PAXIP1: variants seen among roughly 807,000 people sequenced by gnomAD.
PAXIP1 encodes PAX interacting protein 1, also known as PAX-interacting protein 1.
Under a neutral mutation model 140.6 loss-of-function variants are expected in PAXIP1, and 19 were observed. The observed-to-expected ratio is 0.14, with a 90% CI of 0.09 to 0.20. The LOEUF (loss-of-function observed/expected upper bound fraction) is 0.20. Ranked by LOEUF, PAXIP1 falls within the 10% of genes least tolerant of loss-of-function variation. The pLI is 1.00. For missense variants in PAXIP1, 920 were observed against 1,208.6 expected, an observed-to-expected ratio of 0.76 and a Z score of 3.54; for synonymous variants, 442 against 444.6, an observed-to-expected ratio of 0.99 and a Z score of 0.07.
At position 154,958,132 on chromosome 7, in the gene PAXIP1, C is replaced by G. The variant is rs949175069; in HGVS notation, c.2479-838G>C. 2.0e-5 allele frequency among the ~76,000 whole-genome samples: 3 copies of G among 152,128 alleles called. No individual in the cohort carries two copies. In the East Asian group the frequency reaches 5.8e-4, roughly 29 times the overall value. ...TGCTACCAACAGCCAGACAAGGTAC[C>G]AAAACCTACACTCTGCCTCAGCAAC... On this transcript the variant is annotated intron_variant, in intron 13 of 20. Transcript: ENST00000404141.
At chr7:154,985,933 G>A in intron 4 of PAXIP1, 2 of 1,088,424 alleles carry the variant, frequency 1.8e-6, no homozygotes, top group Non-Finnish European at 2.5e-6. Context: ...ATACAGAATG[G>A]AAAGGACTTT....
chr7:154,998,119 A>G (rs1434289148), intron 2 of PAXIP1, among the ~76,000 whole-genome samples: 1 of 152,236 alleles, frequency 6.6e-6, no homozygotes, highest in African/African-American at 2.4e-5. Context: ...TACAGAAGCC[A>G]TGCTCTACCT....
chr7:154,965,788 A>C (rs1808984202), intron 8 of PAXIP1: 2 of 152,272 alleles, frequency 1.3e-5, no homozygotes, highest in African/African-American at 4.8e-5. Flanking sequence ...ACACCAGGCT[A>C]TTAGTAATTT....
In PAXIP1 at chr7:154,998,816, A is replaced by T. The variant is rs1176506144; in HGVS notation, c.82-32T>A. 13 of 1,588,536 alleles carry T rather than the reference A, an allele frequency of 8.2e-6. No individual in the cohort carries two copies. The East Asian group carries it at 2.9e-4, about 36-fold the overall frequency. On this transcript the variant is annotated intron_variant, in intron 1 of 20. Coordinates refer to ENST00000404141, the MANE Select transcript of PAXIP1 (RefSeq NM_007349.4). ...AACAAGAAAATCCACACAAATTAAA[A>T]TGGGCAATACTGTACTGTACTCTTG...
At chr7:154,975,333 C>T (rs1039440824) in intron 6 of PAXIP1, among the ~76,000 whole-genome samples, 1 of 152,128 alleles carries the variant, frequency 6.6e-6, no homozygotes. Flanking sequence ...ATAAGCAAAT[C>T]AGGTACAGCT....
Position 154,946,971 on chromosome 7 carries a change from G to T in PAXIP1, c.2923-158C>A. The T allele has an allele frequency of 1.8e-6, 1 of 545,150 alleles. No individual in the cohort carries two copies. Among genetic ancestry groups the T allele is most frequent in the Non-Finnish European group, 3.2e-6 (1 of 311,678 alleles). The allele number at this position is 545,150 out of a possible 1,614,324, so 33.8% of individuals were successfully genotyped here. A position where few individuals can be genotyped will look rare whatever the true frequency, so the allele number is the denominator to read the frequency against. On this transcript the variant is annotated intron_variant, in intron 17 of 20. Transcript: ENST00000404141. This position sits in a 1 kb window ranked among gnomAD's most constrained non-coding sequence, Gnocchi z 4.9. ...TCCTACTAGCACTCAATCTGAAGTG[G>T]AAGAGGAATCCAGCTATGTAAATTT...
chr7:154,963,004 G>T lies in PAXIP1; in HGVS notation c.1990-546C>A, dbSNP rs1206258080. ...AGAAATGAAACTTCAGAGAGCACAG[G>T]AAGGTAATATTGAGGAGAAAGCCTG... On this transcript the variant is annotated intron_variant, in intron 9 of 20. Transcript: ENST00000404141. This position sits in a 1 kb window ranked among gnomAD's most constrained non-coding sequence, Gnocchi z 4.1. Among the ~76,000 whole-genome samples the T allele has an allele frequency of 6.6e-6, 1 of 152,144 alleles. No homozygotes were observed. The highest frequency in any genetic ancestry group is 1.5e-5 in the Non-Finnish European group (1 of 68,032).
chr7:154,997,322 A>T (rs1342343000), intron 2 of PAXIP1, among the ~76,000 whole-genome samples: 2 of 152,174 alleles, frequency 1.3e-5, no homozygotes, highest in African/African-American at 4.8e-5. Context: ...GTGTGATCAC[A>T]GTGCATGGCA....
At position 154,973,779 on chromosome 7, in the gene PAXIP1, C is replaced by T. The variant is rs1204367036; in HGVS notation, c.1074+1917G>A. Among the ~76,000 whole-genome samples, 1 of 152,244 alleles carries T rather than the reference C, an allele frequency of 6.6e-6. No individual in the cohort carries two copies. The highest frequency in any genetic ancestry group is 1.5e-5 in the Non-Finnish European group (1 of 68,046). On this transcript the variant is annotated intron_variant, in intron 6 of 20. Transcript: ENST00000404141. The surrounding 1 kb of genome is among the most constrained non-coding windows in gnomAD (Gnocchi z 4.0). ...ATACTGAATTTCCCCACTTCATCAACATCAAGCCTTTCCACTGAAAGTGGA... is the reference window on the plus strand; with the variant it reads ...ATACTGAATTTCCCCACTTCATCAATATCAAGCCTTTCCACTGAAAGTGGA...
chr7:154,948,463 C>T (rs1293415295), intron 16 of PAXIP1: 2 of 158,430 alleles, frequency 1.3e-5, no homozygotes, highest in Non-Finnish European at 2.8e-5. Context: ...GGGAGGATCG[C>T]TTGAGTCTGG....
chr7:154,994,554 G>A (rs1810486010), intron 2 of PAXIP1, among the ~76,000 whole-genome samples: 1 of 152,168 alleles, frequency 6.6e-6, no homozygotes, highest in South Asian at 2.1e-4. Context: ...CGCTGGGGAT[G>A]TAACAATGAA....
intron 6 of PAXIP1, among the ~76,000 whole-genome samples, chr7:154,970,218 C>A (rs139097919): frequency 1.3e-5 from 2 of 152,208 alleles, no homozygotes; most frequent in African/African-American, 4.8e-5. Flanking sequence ...TCAATCCATA[C>A]AACTTTTAAC....
At chr7:154,944,336 C>A in intron 20 of PAXIP1, 172 bp from the exon 21 acceptor site, 1 of 545,102 alleles carries the variant, frequency 1.8e-6, no homozygotes, top group Admixed American at 3.2e-5. Flanking sequence ...ACAGGAGGCC[C>A]TCAGCCCCGA....
chr7:155,000,486 G>A (rs1161068674), intron 1 of PAXIP1: 3 of 152,140 alleles, frequency 2.0e-5, no homozygotes, highest in South Asian at 2.1e-4. Flanking sequence ...ATCCTTCCAC[G>A]CGCTTGTGAT....
At position 154,986,121 on chromosome 7, in the gene PAXIP1, C is replaced by A; in HGVS notation, c.325-2789G>T. The A allele has an allele frequency of 2.2e-6, 3 of 1,363,460 alleles. No individual in the cohort carries two copies. Among genetic ancestry groups the A allele is most frequent in the Non-Finnish European group, 2.9e-6 (3 of 1,020,668 alleles). The allele number at this position is 1,363,460 out of a possible 1,614,324, so 84.5% of individuals were successfully genotyped here. ...TCTGCTGGACAAGCTCCCTTCCCTA[C>A]CTCTCCCTGGGAGAGCTCTGGAAGA... On this transcript the variant is annotated intron_variant, in intron 4 of 20. Coordinates refer to ENST00000404141, the MANE Select transcript of PAXIP1 (RefSeq NM_007349.4). This position sits in a 1 kb window ranked among gnomAD's most constrained non-coding sequence, Gnocchi z 4.8.
chr7:154,990,826 A>C (rs1451039803), intron 4 of PAXIP1, among the ~76,000 whole-genome samples, 180 bp downstream of exon 4: 1 of 152,190 alleles, frequency 6.6e-6, no homozygotes, highest in East Asian at 1.9e-4. Flanking sequence ...TAAAAACTTT[A>C]AATCTTAAAA....
intron 1 of PAXIP1, chr7:155,000,332 T>C (rs1239904795): frequency 1.3e-5 from 2 of 152,334 alleles, no homozygotes; most frequent in East Asian, 3.9e-4. Context: ...CATTTTTAGC[T>C]TCACGCATCC....
rs2150795238 is a variant in PAXIP1, at chr7:155,002,855, G to A, written c.75C>T (p.Asp25=). 7.1e-7 allele frequency: 1 copy of A among 1,401,968 alleles called. No individual in the cohort carries two copies. The highest frequency in any genetic ancestry group is 9.4e-7 in the Non-Finnish European group (1 of 1,058,718). 86.8% of individuals were successfully genotyped at this position (1,401,968 alleles called of 1,614,324 possible). ...GCAGGGGCGGGCGCGGTACCTGCGGGTCGATGTCGCCCACCGCGTAATACT... is the reference window on the plus strand; with the variant it reads ...GCAGGGGCGGGCGCGGTACCTGCGGATCGATGTCGCCCACCGCGTAATACT... ...EVKYYAVGDI[D]PQVIQLLKAG... Residue 25 remains aspartate (D), a synonymous_variant, in exon 1 of 21, where the codon GAC becomes GAT. Transcript: ENST00000404141.
chr7:154,995,149 C>T (rs1810517081), intron 2 of PAXIP1, among the ~76,000 whole-genome samples: 2 of 152,152 alleles, frequency 1.3e-5, no homozygotes, highest in Admixed American at 6.5e-5. Context: ...TGTCTGCTGT[C>T]CACGAGAATT....
Sources: allele counts gnomAD v4.1 joint callset (sites outside exome capture counted in the v4.1 genomes callset), GRCh38; gene constraint gnomAD v4.1.1; non-coding constraint Gnocchi (gnomAD v3.1); transcripts MANE v1.5; gene names NCBI Gene and HGNC (gene_info 2026-07-23, HGNC 2026-07-21).